Variants in DSC1 observed in about 807,000 individuals in gnomAD.
DSC1 encodes desmocollin-1.
Under a neutral mutation model 98.8 loss-of-function variants are expected in DSC1, and 79 were observed. The ratio of observed to expected loss-of-function variants is 0.80; its 90% CI spans 0.67 to 0.96. DSC1 has a LOEUF of 0.96. Ranked by LOEUF, DSC1 falls within the 50% of genes least tolerant of loss-of-function variation. The pLI is 0.00. For synonymous variants in DSC1, 405 were observed against 372.1 expected (o/e 1.09, Z -1.02); for missense variants, 1,115 against 1,075.9 (o/e 1.04, Z -0.51).
rs1395142165 is a variant in DSC1 at position 31,148,508 on chromosome 18, A to G, written c.762T>C (p.Asn254=). The stretch of plus-strand genomic sequence containing the variant: ...AAAATGTGAACTTACCGGATCGGCA[A>G]TTTTCAGGCACAGTAAAGATAGTCA... ...HRVTIFTVPE[N]CRSGTSVGKV... is the part of the protein sequence containing the mutation. The change falls in exon 6 of 16, where the codon AAT becomes AAC. Residue 254 remains asparagine, a synonymous_variant. Coordinates refer to ENST00000257198, the MANE Select transcript of DSC1 (RefSeq NM_024421.2). The G allele has an allele frequency of 6.3e-7, 1 of 1,596,902 alleles. No homozygotes were observed. The highest frequency in any genetic ancestry group is 1.1e-5 in the South Asian group (1 of 88,810).
chr18:31,159,493 A>AAAC lies in DSC1; in HGVS notation c.97_99dup (p.Val33dup). ...TGAAGATGAGAAGGAACTCGAAGATAAACTTTCTGACAAGCATCGCAAAGT... is the reference window on the plus strand; with the variant it reads ...TGAAGATGAGAAGGAACTCGAAGATAAACAACTTTCTGACAAGCATCGCAAAGT... On this transcript the variant is annotated inframe_insertion, in exon 2 of 16. Coordinates refer to ENST00000257198, the MANE Select transcript of DSC1 (RefSeq NM_024421.2). 3 of 1,613,348 alleles carry AAAC rather than the reference A, an allele frequency of 1.9e-6. No homozygotes were observed. The highest frequency in any genetic ancestry group is 2.5e-6 in the Non-Finnish European group (3 of 1,179,772).
chr18:31,137,971 G>A (rs1481073892), intron 11 of DSC1, among the ~76,000 whole-genome samples: 1 of 100,008 alleles, frequency 1.0e-5, no homozygotes, highest in African/African-American at 4.4e-5. Flanking sequence ...CAAAATGTGT[G>A]TGTGTGTGTG....
intron 13 of DSC1, 22 bp from the exon 14 acceptor site, chr18:31,132,711 A>T: frequency 1.9e-6 from 3 of 1,600,772 alleles, no homozygotes; most frequent in Non-Finnish European, 2.6e-6. Context: ...AAAAGATCAA[A>T]GTAAAACACA....
At chr18:31,143,821 A>C (rs1988787545) in intron 7 of DSC1, 30 bp from the exon 8 acceptor site, 1 of 1,525,782 alleles carries the variant, frequency 6.6e-7, no homozygotes. Flanking sequence ...TACATTAATG[A>C]ACACTTTTAT....
At position 31,130,411 on chromosome 18, in the gene DSC1, G is replaced by A; in HGVS notation, c.*103C>T. 4 of 1,327,746 alleles carry A rather than the reference G, an allele frequency of 3.0e-6. No homozygotes were observed. The highest frequency in any genetic ancestry group is 2.3e-5 in the East Asian group (1 of 43,270). The allele number at this position is 1,327,746 out of a possible 1,614,324, so 82.2% of individuals were successfully genotyped here. A position where few individuals can be genotyped will look rare whatever the true frequency, so the allele number is the denominator to read the frequency against. ...AGTACCCTTACCTATACATGACAAAGTTTACCTCCATAAACAAAAACATTA... is the reference window on the plus strand; with the variant it reads ...AGTACCCTTACCTATACATGACAAAATTTACCTCCATAAACAAAAACATTA... On this transcript the variant is annotated 3_prime_UTR_variant, in exon 16 of 16. Coordinates refer to ENST00000257198, the MANE Select transcript of DSC1 (RefSeq NM_024421.2).
At chr18:31,148,745 T>A in intron 5 of DSC1, 103 bp from the exon 6 acceptor site, 1 of 1,113,702 alleles carries the variant, frequency 9.0e-7, no homozygotes, top group Non-Finnish European at 1.2e-6. Flanking sequence ...AAAAAAATCA[T>A]TCCCAAAGAC....
intron 11 of DSC1, among the ~76,000 whole-genome samples, chr18:31,135,926 A>G (rs1296218358): frequency 5.9e-5 from 9 of 152,108 alleles, no homozygotes; most frequent in Admixed American, 5.9e-4. Context: ...TGCAAATATA[A>G]TTTATTTTTC....
intron 5 of DSC1, among the ~76,000 whole-genome samples, chr18:31,152,594 G>A (rs755176324): frequency 3.3e-5 from 5 of 152,026 alleles, no homozygotes; most frequent in Non-Finnish European, 7.4e-5. Flanking sequence ...AGTTTACATA[G>A]TGGTATCACT....
chr18:31,136,124 A>G (rs1187641063), intron 11 of DSC1, among the ~76,000 whole-genome samples: 4 of 152,016 alleles, frequency 2.6e-5, no homozygotes, highest in African/African-American at 9.6e-5. Context: ...TAAAAGAGAG[A>G]TATAGCTATT....
In DSC1 at chr18:31,140,144, G is replaced by C. The variant is rs1988701848; in HGVS notation, c.1418C>G (p.Pro473Arg). 1.2e-6 allele frequency: 2 copies of C among 1,613,886 alleles called. No homozygotes were observed. Among genetic ancestry groups the C allele is most frequent in the South Asian group, 2.2e-5 (2 of 91,084 alleles). ...TTGACTCTGAATAACTTTCACTGGAGGGTGGCATTCAGGGCCCTCATCACT... is the reference window on the plus strand; with the variant it reads ...TTGACTCTGAATAACTTTCACTGGACGGTGGCATTCAGGGCCCTCATCACT... ...IDSDEGPECH[P>R]PVKVIQSQDG... Residue 473 changes from proline (P) to arginine (R), a missense_variant, in exon 10 of 16, where the codon CCT becomes CGT. Coordinates refer to ENST00000257198, the MANE Select transcript of DSC1 (RefSeq NM_024421.2).
At chr18:31,159,617 G>A (rs1555646463) in intron 1 of DSC1, 88 bp from the exon 2 acceptor site, 2 of 1,218,818 alleles carry the variant, frequency 1.6e-6, no homozygotes, top group Non-Finnish European at 2.3e-6. Context: ...TAAAAATATT[G>A]TCAATTTTGG....
rs147041330 is a variant in DSC1, at chr18:31,132,588, C to G, written c.2218G>C (p.Gly740Arg). ...TTTACCGTTACTTCTTCTCCAGGTCCTTCAGTATTTGATACAATTAAATTT... is the reference window on the plus strand; with the variant it reads ...TTTACCGTTACTTCTTCTCCAGGTCGTTCAGTATTTGATACAATTAAATTT... ...QQNLIVSNTE[G>R]PGEEVTEANI... Residue 740 changes from glycine to arginine, a missense_variant, in exon 14 of 16, where the codon GGA becomes CGA. Gly to Arg is a moderately radical substitution (Grantham distance 125). Coordinates refer to ENST00000257198, the MANE Select transcript of DSC1 (RefSeq NM_024421.2). 2,937 of 1,613,396 alleles carry G rather than the reference C, an allele frequency of 1.8e-3. 7 individuals are homozygous for G. Among genetic ancestry groups the G allele is most frequent in the Non-Finnish European group, 2.3e-3 (2,743 of 1,179,564 alleles).
At chr18:31,146,548 T>C (rs769102251) in intron 6 of DSC1, among the ~76,000 whole-genome samples, 11 of 152,210 alleles carry the variant, frequency 7.2e-5, no homozygotes, top group African/African-American at 1.2e-4. Flanking sequence ...GCAACAAACA[T>C]ACAAGTGCAA....
rs1445315720 is a variant in DSC1 at position 31,145,647 on chromosome 18, A to C, written c.903T>G (p.Gly301=). ...GAAAAGGTGTAGTTGTGGTGATGAC[A>C]CCGGTATCTGGGTGTATGGAGAAAT... ...PKHFSIHPDT[G]VITTTTPFLD... Residue 301 remains glycine, a synonymous_variant, in exon 7 of 16, where the codon GGT becomes GGG. Transcript: ENST00000257198. The C allele has an allele frequency of 6.2e-7, 1 of 1,614,158 alleles. No individual in the cohort carries two copies. The highest frequency in any genetic ancestry group is 8.5e-7 in the Non-Finnish European group (1 of 1,180,024).
At chr18:31,146,459 G>A (rs12606557) in intron 6 of DSC1, among the ~76,000 whole-genome samples, 31,388 of 152,006 alleles carry the variant, frequency 0.21, 3,889 homozygotes, top group East Asian at 0.56. Flanking sequence ...TGGCATTTGT[G>A]TACTACATTT....
chr18:31,158,142 C>G (rs1350890712), intron 2 of DSC1, among the ~76,000 whole-genome samples: 2 of 152,072 alleles, frequency 1.3e-5, no homozygotes, highest in Non-Finnish European at 2.9e-5. Flanking sequence ...TGGCGTGCAC[C>G]TGTAATTCCA....
chr18:31,147,663 T>A (rs1181234999), intron 6 of DSC1, among the ~76,000 whole-genome samples: 1 of 152,134 alleles, frequency 6.6e-6, no homozygotes, highest in East Asian at 1.9e-4. Flanking sequence ...GTTACAAAGC[T>A]AGGCTAAAAT....
At chr18:31,148,473 A>T (rs1232699074) in intron 6 of DSC1, 25 bp downstream of exon 6, 1 of 1,565,410 alleles carries the variant, frequency 6.4e-7, no homozygotes, top group Non-Finnish European at 8.7e-7. Flanking sequence ...TCTTCTTGTC[A>T]TGCTACAATA....
chr18:31,160,528 T>C (rs1989189407), intron 1 of DSC1, among the ~76,000 whole-genome samples: 1 of 152,140 alleles, frequency 6.6e-6, no homozygotes, highest in South Asian at 2.1e-4. Context: ...CTACCAGATA[T>C]ACTGTAGCAG....
Sources: allele counts gnomAD v4.1 joint callset (sites outside exome capture counted in the v4.1 genomes callset), GRCh38; gene constraint gnomAD v4.1.1; transcripts MANE v1.5; gene names NCBI Gene and HGNC (gene_info 2026-07-23, HGNC 2026-07-21).